SLC30A9: variants seen among roughly 807,000 people sequenced by gnomAD.
SLC30A9 encodes the protein solute carrier family 30 member 9.
Under a neutral mutation model 87.5 loss-of-function variants are expected in SLC30A9, and 58 were observed. The observed-to-expected ratio is 0.66, with a 90% CI of 0.54 to 0.82. The LOEUF (loss-of-function observed/expected upper bound fraction) is 0.82, where lower values mean the gene tolerates loss of function less well. Among genes scored for constraint, SLC30A9 ranks in the 40% least tolerant of loss-of-function variants. The pLI is 0.00. For missense variants in SLC30A9, 557 were observed against 679.1 expected (o/e 0.82, Z 2.00); for synonymous variants, 234 against 233.0 (o/e 1.00, Z -0.04).
chr4:42,028,635 C>T (rs1007285470), intron 6 of SLC30A9, among the ~76,000 whole-genome samples: 4 of 152,162 alleles, frequency 2.6e-5, no homozygotes, highest in African/African-American at 9.7e-5. Context: ...TGAGTAGGAA[C>T]TTTGTGGAAA....
At chr4:42,013,818 C>T (rs959885109) in intron 2 of SLC30A9, among the ~76,000 whole-genome samples, 11 of 152,128 alleles carry the variant, frequency 7.2e-5, no homozygotes, top group African/African-American at 2.4e-4. Context: ...GGAAACTCTC[C>T]AGGATATTGG....
At chr4:41,997,459 A>AT (rs894064192) in intron 1 of SLC30A9, among the ~76,000 whole-genome samples, 14 of 151,650 alleles carry the variant, frequency 9.2e-5, no homozygotes, top group African/African-American at 2.7e-4. Flanking sequence ...TATTATGGGC[A>AT]TTTTTTTTAA....
At chr4:42,037,149 C>G (rs989842358) in intron 7 of SLC30A9, among the ~76,000 whole-genome samples, 1 of 151,726 alleles carries the variant, frequency 6.6e-6, no homozygotes, top group Non-Finnish European at 1.5e-5. Flanking sequence ...ACCCCTATTC[C>G]CTTTAGGAAT....
chr4:42,081,470 G>A (rs936684874), intron 17 of SLC30A9, among the ~76,000 whole-genome samples: 1 of 152,160 alleles, frequency 6.6e-6, no homozygotes, highest in African/African-American at 2.4e-5. Flanking sequence ...ATGTCTTACA[G>A]TTACTGTGAA....
chr4:42,074,238 A>G (rs979645945), intron 15 of SLC30A9, among the ~76,000 whole-genome samples: 10 of 152,212 alleles, frequency 6.6e-5, no homozygotes, highest in African/African-American at 1.4e-4. Context: ...GCTTCCTTAT[A>G]TGGATAAAAA....
At chr4:41,991,314 CAAAG>C (rs1560530686) in intron 1 of SLC30A9, among the ~76,000 whole-genome samples, 5 of 152,190 alleles carry the variant, frequency 3.3e-5, no homozygotes, top group South Asian at 4.1e-4. Context: ...GTCCGAAAAA[CAAAG>C]AAACTCTTCA....
Position 42,017,323 on chromosome 4 carries a change from T to C in SLC30A9, c.275-788T>C, listed in dbSNP as rs1284497902. On this transcript the variant is annotated intron_variant, in intron 2 of 17. Coordinates refer to ENST00000264451, the MANE Select transcript of SLC30A9 (RefSeq NM_006345.4). The stretch of plus-strand genomic sequence containing the variant: ...AAATATTCTTGATTACTTTTGTTGA[T>C]TCTATTTGTTGGAAATATCTTCTCT... 2.0e-5 allele frequency among the ~76,000 whole-genome samples: 3 copies of C among 151,956 alleles called. No individual in the cohort carries two copies. The East Asian group carries it at 5.8e-4, about 29-fold the overall frequency.
rs115551723 is a variant in SLC30A9 at position 42,005,499 on chromosome 4, G to A, written c.274+3719G>A. Among the ~76,000 whole-genome samples the A allele has an allele frequency of 9.0e-3, 1,371 of 152,236 alleles. 22 individuals carry two copies. The highest frequency in any genetic ancestry group is 0.032 in the African/African-American group (1,318 of 41,524). ...GTGTATTATTTATTTCTAGTTCATA[G>A]TGATCCCATGGCTGTGGCTTTTTAC... On this transcript the variant is annotated intron_variant, in intron 2 of 17. Transcript: ENST00000264451.
chr4:42,010,082 T>A (rs1715375902), intron 2 of SLC30A9, among the ~76,000 whole-genome samples: 2 of 152,240 alleles, frequency 1.3e-5, no homozygotes, highest in Admixed American at 6.5e-5. Flanking sequence ...GTTTTTAAGC[T>A]TATCTTCAAT....
chr4:42,031,913 A>T (rs907182407), intron 6 of SLC30A9, among the ~76,000 whole-genome samples: 2 of 152,202 alleles, frequency 1.3e-5, no homozygotes, highest in Non-Finnish European at 2.9e-5. Flanking sequence ...TCGTATTGCT[A>T]TAAAGAAATA....
In SLC30A9 at chr4:42,088,562, T is replaced by A. The variant is rs1246018349; in HGVS notation, c.*2436T>A. The A allele has an allele frequency of 2.0e-5, 3 of 152,354 alleles. No individual in the cohort carries two copies. Among genetic ancestry groups the A allele is most frequent in the Non-Finnish European group, 4.4e-5 (3 of 68,190 alleles). 9.4% of individuals were successfully genotyped at this position (152,354 alleles called of 1,614,324 possible). A position where few individuals can be genotyped will look rare whatever the true frequency, so the allele number is the denominator to read the frequency against. On this transcript the variant is annotated 3_prime_UTR_variant, in exon 18 of 18. Coordinates refer to ENST00000264451, the MANE Select transcript of SLC30A9 (RefSeq NM_006345.4). Reference sequence around the variant, plus strand: ...GGGAGGCCTCGGGAAACTTCATTCATGGCAGAATACGAAGGGGAAGCAGTC... The same window carrying A: ...GGGAGGCCTCGGGAAACTTCATTCAAGGCAGAATACGAAGGGGAAGCAGTC...
intron 2 of SLC30A9, among the ~76,000 whole-genome samples, chr4:42,003,138 A>G (rs1018388599): frequency 3.3e-5 from 5 of 152,180 alleles, no homozygotes; most frequent in African/African-American, 9.6e-5. Flanking sequence ...ATTTACAGAT[A>G]GATGGAATTT....
At chr4:42,009,932 C>G (rs62302088) in intron 2 of SLC30A9, among the ~76,000 whole-genome samples, 6 of 152,166 alleles carry the variant, frequency 3.9e-5, no homozygotes, top group African/African-American at 9.7e-5. Flanking sequence ...CTCTCTGTTT[C>G]CCAAAGCTAA....
At chr4:42,014,556 A>AG (rs1491546890) in intron 2 of SLC30A9, among the ~76,000 whole-genome samples, 1 of 29,660 alleles carries the variant, frequency 3.4e-5, no homozygotes, top group Non-Finnish European at 2.6e-4. Context: ...ACTCCGTCGC[A>AG]AAAAAAAAAA....
chr4:42,055,403 T>C lies in SLC30A9; in HGVS notation c.841-4788T>C, dbSNP rs555239366. Among the ~76,000 whole-genome samples, 62 of 152,312 alleles carry C rather than the reference T, an allele frequency of 4.1e-4. No individual in the cohort carries two copies. In the East Asian group the frequency reaches 7.1e-3, roughly 18 times the overall value. The stretch of plus-strand genomic sequence containing the variant: ...TTTTTATTTATTTATTACTTATTTT[T>C]TGAGACAGAGTCTCGCTGTCTTGCC... On this transcript the variant is annotated intron_variant, in intron 9 of 17. Coordinates refer to ENST00000264451, the MANE Select transcript of SLC30A9 (RefSeq NM_006345.4).
intron 2 of SLC30A9, among the ~76,000 whole-genome samples, chr4:42,002,536 T>C (rs984619624): frequency 2.0e-5 from 3 of 152,084 alleles, no homozygotes; most frequent in African/African-American, 7.2e-5. Context: ...ACTTGGTTTT[T>C]TGTTTTCTGT....
At position 42,078,254 on chromosome 4, in the gene SLC30A9, A is replaced by G. The variant is rs1159308070; in HGVS notation, c.1591A>G (p.Met531Val). The G allele has an allele frequency of 1.3e-6, 2 of 1,584,498 alleles. No individual in the cohort carries two copies. Among genetic ancestry groups the G allele is most frequent in the Non-Finnish European group, 1.7e-6 (2 of 1,160,402 alleles). The change falls in exon 17 of 18, where the codon ATG (methionine) becomes GTG (valine). Residue 531 changes from methionine to valine, a missense_variant. By Grantham distance (21) the Met-to-Val change is conservative (BLOSUM62 1). Coordinates refer to ENST00000264451, the MANE Select transcript of SLC30A9 (RefSeq NM_006345.4). ...AACTCCTGAAGAACTAGAGACCTTT[A>G]TGCTTAAACATGGAGAAAATATTAT... ...VKTPEELETFMLKHGENIIDT... is the reference protein window; with the variant it reads ...VKTPEELETFVLKHGENIIDT...
At position 42,078,294 on chromosome 4, in the gene SLC30A9, C is replaced by A; in HGVS notation, c.1631C>A (p.Ala544Asp). Residue 544 changes from alanine (A) to aspartate (D), a missense_variant, in exon 17 of 18, where the codon GCT (alanine) becomes GAT (aspartate). Transcript: ENST00000264451. ...HGENIIDTLG[A>D]EVDRLEKELK... ...GAAAATATTATTGATACTTTAGGAGCTGAAGTAGATAGACTTGAGAAGGAA... is the reference window on the plus strand; with the variant it reads ...GAAAATATTATTGATACTTTAGGAGATGAAGTAGATAGACTTGAGAAGGAA... 1.9e-6 allele frequency: 3 copies of A among 1,566,278 alleles called. No individual in the cohort carries two copies. The highest frequency in any genetic ancestry group is 4.5e-5 in the East Asian group (2 of 43,986).
rs1228039330 is a variant in SLC30A9, at chr4:42,063,107, G to A, written c.1018G>A (p.Glu340Lys). The A allele has an allele frequency of 6.2e-7, 1 of 1,613,588 alleles. No homozygotes were observed. Among genetic ancestry groups the A allele is most frequent in the Non-Finnish European group, 8.5e-7 (1 of 1,179,780 alleles). Residue 340 changes from glutamate to lysine, a missense_variant, in exon 11 of 18, where the codon GAA becomes AAA. By Grantham distance (56) the Glu-to-Lys change is moderately conservative. This residue lies in a region of SLC30A9 where 467 missense variants were observed against 529.8 expected (regional missense o/e 0.88). Transcript: ENST00000264451. Reference sequence around the variant, plus strand: ...GGGATTGCTTCATCCTCAACCAATAGAATCCCTTCTATGGGTAATCCTCTT... The same window carrying A: ...GGGATTGCTTCATCCTCAACCAATAAAATCCCTTCTATGGGTAATCCTCTT... Reference protein sequence around the residue: ...VMGLLHPQPIESLLWAYCILA... With the variant: ...VMGLLHPQPIKSLLWAYCILA...
Sources: gnomAD v4.1 joint callset for allele counts (sites outside exome capture counted in the v4.1 genomes callset) on GRCh38, gnomAD v4.1.1 for gene constraint, gnomAD v4.1.1 regional missense constraint, MANE v1.5 for transcripts, NCBI Gene and HGNC (gene_info 2026-07-23, HGNC 2026-07-21) for gene names.